The following SMIM22 variants were observed in gnomAD, a reference collection of about 807,000 sequenced individuals.
The protein encoded by SMIM22 is small integral membrane protein 22.
Under a neutral mutation model 8.4 loss-of-function variants are expected in SMIM22, and 16 were observed. The ratio of observed to expected loss-of-function variants is 1.90; its 90% confidence interval spans 1.29 to 2.89. SMIM22 has a LOEUF of 2.89. Among genes scored for constraint, SMIM22 ranks in the 30% most tolerant of loss-of-function variants. SMIM22 has a pLI of 0.00. For missense variants in SMIM22, 159 were observed against 107.5 expected, an observed-to-expected ratio of 1.48 and a Z score of -2.12; for synonymous variants, 67 against 47.6, an observed-to-expected ratio of 1.41 and a Z score of -1.68.
At chr16:4,793,287 C>G (rs2082580754), upstream of SMIM22, among the ~76,000 whole-genome samples, 1 of 152,078 alleles carries the variant, frequency 6.6e-6, no homozygotes, top group Admixed American at 6.6e-5. Context: ...TGAACACAGC[C>G]TGGTCGACCC....
Position 4,795,967 on chromosome 16 carries a change from G to A in SMIM22, c.144G>A (p.Leu48=). The A allele has an allele frequency of 6.6e-7, 1 of 1,506,198 alleles. No individual in the cohort carries two copies. The highest frequency in any genetic ancestry group is 8.8e-7 in the Non-Finnish European group (1 of 1,131,306). 93.3% of individuals were successfully genotyped at this position (1,506,198 alleles called of 1,614,324 possible). A position where few individuals can be genotyped will look rare whatever the true frequency, so the allele number is the denominator to read the frequency against. ...CCCCAGGCACCGTGCTGCTCCTGCT[G>A]CTGCTGGTCGTCGCCCACTGCTGCT... is the stretch of plus-strand genomic sequence containing the variant. ...LTFMGTVLLL[L]LLVVAHCCCC... Residue 48 remains leucine, a synonymous_variant, in exon 3 of 4, where the codon CTG becomes CTA. Coordinates refer to ENST00000586005, the MANE Select transcript of SMIM22 (RefSeq NM_001253794.2).
intron 2 of SMIM22, among the ~76,000 whole-genome samples, chr16:4,789,440 C>G (rs1381899393): frequency 1.3e-5 from 2 of 152,136 alleles, no homozygotes; most frequent in Non-Finnish European, 2.9e-5. Flanking sequence ...GCTCTCCTGC[C>G]TCAGCCTCCC....
intron 2 of SMIM22, among the ~76,000 whole-genome samples, chr16:4,789,475 G>A (rs2082516468): frequency 6.6e-6 from 1 of 151,668 alleles, no homozygotes; most frequent in Non-Finnish European, 1.5e-5. Context: ...ACAGGCGCCT[G>A]CCACCACGCC....
chr16:4,794,889 G>A (rs959669909), upstream of SMIM22: 3 of 152,222 alleles, frequency 2.0e-5, no homozygotes, highest in African/African-American at 7.2e-5. Flanking sequence ...GTAATCCAGA[G>A]ATGATTTAAA....
rs1219214461 is a variant in SMIM22 at position 4,795,862 on chromosome 16, A to T, written c.124+4A>T. 1 of 1,535,658 alleles carries T rather than the reference A, an allele frequency of 6.5e-7. No individual in the cohort carries two copies. Among genetic ancestry groups the T allele is most frequent in the Non-Finnish European group, 8.7e-7 (1 of 1,146,696 alleles). ...ATTGTTTTCCTCACCTTCATGGGTAAGTGTGGCTGTGGCCTCTGGGTCCTC... is the reference window on the plus strand; with the variant it reads ...ATTGTTTTCCTCACCTTCATGGGTATGTGTGGCTGTGGCCTCTGGGTCCTC... On this transcript the variant is annotated splice_donor_region_variant and intron_variant, in intron 2 of 3. Transcript: ENST00000586005.
chr16:4,792,060 C>T (rs926750630), upstream of SMIM22, among the ~76,000 whole-genome samples: 1 of 151,972 alleles, frequency 6.6e-6, no homozygotes, highest in East Asian at 1.9e-4. Flanking sequence ...ATAATAGTAA[C>T]AACAAACATT....
At chr16:4,792,042 C>T (rs114510066), upstream of SMIM22, among the ~76,000 whole-genome samples, 3,096 of 151,820 alleles carry the variant, frequency 0.02, 95 homozygotes, top group African/African-American at 0.063. Context: ...GAGATAGATA[C>T]GACTTTCATA....
upstream of SMIM22, among the ~76,000 whole-genome samples, chr16:4,794,584 C>A (rs1053848506): frequency 6.6e-6 from 1 of 152,132 alleles, no homozygotes; most frequent in Non-Finnish European, 1.5e-5. Context: ...CCACGCCTGG[C>A]TAATTTTGTA....
intron 2 of SMIM22, among the ~76,000 whole-genome samples, chr16:4,789,526 C>A (rs1296245784): frequency 6.6e-6 from 1 of 152,048 alleles, no homozygotes; most frequent in Non-Finnish European, 1.5e-5. Flanking sequence ...CTGGTTTTCC[C>A]TGTGTTAGCC....
chr16:4,795,906 C>T (rs769910983), intron 2 of SMIM22, 42 bp from the exon 3 acceptor site: 158 of 1,530,020 alleles, frequency 1.0e-4, no homozygotes, highest in Non-Finnish European at 4.7e-5. Flanking sequence ...CTGCCCTGGG[C>T]TCCAGGTTGG....
At chr16:4,791,720 C>G (rs191816979), upstream of SMIM22, among the ~76,000 whole-genome samples, 204 of 152,296 alleles carry the variant, frequency 1.3e-3, no homozygotes, top group African/African-American at 4.5e-3. Flanking sequence ...CACAGTCTCA[C>G]TCTGTCACCC....
chr16:4,796,373 T>A lies in SMIM22; in HGVS notation c.*142T>A, dbSNP rs996967706. ...GGTGGCCACCTGGCCTCTCCAAGCCTTCAGTCAGCACGACTGTGCCAGGTC... is the reference window on the plus strand; with the variant it reads ...GGTGGCCACCTGGCCTCTCCAAGCCATCAGTCAGCACGACTGTGCCAGGTC... On this transcript the variant is annotated 3_prime_UTR_variant, in exon 4 of 4. Coordinates refer to ENST00000586005, the MANE Select transcript of SMIM22 (RefSeq NM_001253794.2). 1.4e-5 allele frequency: 13 copies of A among 941,510 alleles called. No individual in the cohort carries two copies. Among genetic ancestry groups the A allele is most frequent in the Non-Finnish European group, 1.9e-5 (12 of 636,130 alleles). The allele number at this position is 941,510 out of a possible 1,614,324, so 58.3% of individuals were successfully genotyped here.
At chr16:4,793,335 A>G (rs139122889), upstream of SMIM22, among the ~76,000 whole-genome samples, 827 of 152,228 alleles carry the variant, frequency 5.4e-3, 8 homozygotes, top group African/African-American at 0.019. Flanking sequence ...AGGGCAATAC[A>G]TTTGTGTTGT....
rs986713029 is a variant in SMIM22, at chr16:4,796,011, C to T, written c.188C>T (p.Pro63Leu). Reference sequence around the variant, plus strand: ...TGCTGCTGCTGCAGCTCCCCCGGGCCCCGCAGGGAAAGCCCCAGGAAGGTG... The same window carrying T: ...TGCTGCTGCTGCAGCTCCCCCGGGCTCCGCAGGGAAAGCCCCAGGAAGGTG... The part of the protein sequence containing the change: ...AHCCCCSSPG[P>L]RRESPRKVSP... Residue 63 changes from proline to leucine, a missense_variant, in exon 3 of 4, where the codon CCC becomes CTC. Coordinates refer to ENST00000586005, the MANE Select transcript of SMIM22 (RefSeq NM_001253794.2). 2.6e-6 allele frequency: 4 copies of T among 1,515,422 alleles called. No homozygotes were observed. The African/African-American group carries it at 4.1e-5, about 16-fold the overall frequency. 93.9% of individuals were successfully genotyped at this position (1,515,422 alleles called of 1,614,324 possible).
chr16:4,788,521 G>C (rs1027164541), exon 1 of SMIM22: 1 of 152,198 alleles, frequency 6.6e-6, no homozygotes, highest in Non-Finnish European at 1.5e-5. Flanking sequence ...AGGGGCCCAA[G>C]GCCCCCTCGT....
Position 4,796,336 on chromosome 16 carries a change from C to T in SMIM22, c.*105C>T. ...GTCTGGGTGGGTGACGCGGGACTCG[C>T]CGCCCCACTCAGGTGGCCACCTGGC... is the stretch of plus-strand genomic sequence containing the variant. On this transcript the variant is annotated 3_prime_UTR_variant, in exon 4 of 4. Transcript: ENST00000586005. 4 of 1,361,954 alleles carry T rather than the reference C, an allele frequency of 2.9e-6. No individual in the cohort carries two copies. The highest frequency in any genetic ancestry group is 1.4e-5 in the South Asian group (1 of 72,136). 84.4% of individuals were successfully genotyped at this position (1,361,954 alleles called of 1,614,324 possible).
At chr16:4,790,442 C>T (rs966721471), upstream of SMIM22, among the ~76,000 whole-genome samples, 3 of 152,202 alleles carry the variant, frequency 2.0e-5, no homozygotes, top group African/African-American at 7.2e-5. Flanking sequence ...TCTGCCAGTT[C>T]TTCCTTCTGG....
In SMIM22 at chr16:4,795,728, C is replaced by T. The variant is rs892477974; in HGVS notation, c.-7C>T. ...GGACCGGGGCAGGTGGCACGGTGCA[C>T]GCCAAGATGGCTGTGTCCACAGAGG... On this transcript the variant is annotated 5_prime_UTR_variant, in exon 2 of 4. It adds an upstream start codon to the 5' untranslated region. Coordinates refer to ENST00000586005, the MANE Select transcript of SMIM22 (RefSeq NM_001253794.2). 5.2e-6 allele frequency: 8 copies of T among 1,535,302 alleles called. No individual in the cohort carries two copies. The highest frequency in any genetic ancestry group is 2.7e-5 in the African/African-American group (2 of 72,976).
Position 4,796,006 on chromosome 16 carries a change from C to CG in SMIM22, c.186dup (p.Pro63AlafsTer21), listed in dbSNP as rs2082637271. The CG allele has an allele frequency of 1.3e-6, 2 of 1,512,208 alleles. No individual in the cohort carries two copies. Among genetic ancestry groups the CG allele is most frequent in the Non-Finnish European group, 1.8e-6 (2 of 1,134,904 alleles). 93.7% of individuals were successfully genotyped at this position (1,512,208 alleles called of 1,614,324 possible). On this transcript the variant is annotated frameshift_variant, in exon 3 of 4. Transcript: ENST00000586005. LOFTEE classifies it low-confidence loss of function (END_TRUNC). ...CCCACTGCTGCTGCTGCAGCTCCCC[C>CG]GGGCCCCGCAGGGAAAGCCCCAGGA...
Sources: gnomAD v4.1 joint callset for allele counts (sites outside exome capture counted in the v4.1 genomes callset) on GRCh38, gnomAD v4.1.1 for gene constraint, MANE v1.5 for transcripts, NCBI Gene and HGNC (gene_info 2026-07-23, HGNC 2026-07-21) for gene names.